Variants in GLRX3 observed in about 807,000 individuals in gnomAD.
GLRX3 encodes the protein glutaredoxin-3.
A neutral mutation model predicts 49.5 loss-of-function variants in GLRX3; 22 were observed. That is an observed-to-expected ratio of 0.44 (90% CI 0.32 to 0.63). The LOEUF (loss-of-function observed/expected upper bound fraction) is 0.63. Ranked by LOEUF, GLRX3 falls within the 30% of genes least tolerant of loss-of-function variation. The pLI is 0.05. For synonymous variants in GLRX3, 133 were observed against 140.0 expected, an observed-to-expected ratio of 0.95 and a Z score of 0.35; for missense variants, 385 against 396.3, an observed-to-expected ratio of 0.97 and a Z score of 0.24.
At chr10:130,165,814 A>G (rs1355747086) in intron 4 of GLRX3, among the ~76,000 whole-genome samples, 1 of 152,230 alleles carries the variant, frequency 6.6e-6, no homozygotes, top group African/African-American at 2.4e-5. Flanking sequence ...TAACAATTGT[A>G]GAATTTTTTC....
At chr10:130,147,483 C>G (rs1449196817) in intron 2 of GLRX3, among the ~76,000 whole-genome samples, 1 of 152,110 alleles carries the variant, frequency 6.6e-6, no homozygotes, top group African/African-American at 2.4e-5. Flanking sequence ...TGGAGGAGCC[C>G]TCAGCGATTT....
intron 1 of GLRX3, among the ~76,000 whole-genome samples, chr10:130,142,266 T>G (rs1215384208): frequency 6.6e-6 from 1 of 152,166 alleles, no homozygotes; most frequent in African/African-American, 2.4e-5. Flanking sequence ...ATGACCTTGC[T>G]TCCCACCTGA....
intron 3 of GLRX3, among the ~76,000 whole-genome samples, chr10:130,160,484 C>T (rs114975445): frequency 6.6e-6 from 1 of 152,322 alleles, no homozygotes; most frequent in Non-Finnish European, 1.5e-5. Context: ...CCATGGGTGT[C>T]ATCGTAGTTC....
chr10:130,175,527 T>C (rs1862900126), intron 10 of GLRX3, among the ~76,000 whole-genome samples: 1 of 152,126 alleles, frequency 6.6e-6, no homozygotes, highest in African/African-American at 2.4e-5. Context: ...AAAGAAAAAA[T>C]GTAGGTCCTT....
intron 2 of GLRX3, among the ~76,000 whole-genome samples, chr10:130,152,659 C>T (rs1281715243): frequency 6.6e-6 from 1 of 152,190 alleles, no homozygotes; most frequent in Non-Finnish European, 1.5e-5. Flanking sequence ...AGGGTTTCTG[C>T]CGAGAGATCT....
intron 10 of GLRX3, among the ~76,000 whole-genome samples, chr10:130,176,786 C>G (rs1862931433): frequency 7.4e-6 from 1 of 135,450 alleles, no homozygotes; most frequent in Non-Finnish European, 1.6e-5. Context: ...CTCTCTCTCT[C>G]TCTCTCTATA....
At chr10:130,179,234 A>G (rs1862980033) in intron 10 of GLRX3, 108 bp from the exon 11 acceptor site, 1 of 616,198 alleles carries the variant, frequency 1.6e-6, no homozygotes, top group South Asian at 2.1e-5. Flanking sequence ...TTAATCCAAT[A>G]GGTGTTTCTT....
At chr10:130,174,655 C>T (rs986399048) in intron 8 of GLRX3, among the ~76,000 whole-genome samples, 8 of 152,108 alleles carry the variant, frequency 5.3e-5, no homozygotes, top group African/African-American at 1.4e-4. Context: ...CAATATTGTC[C>T]GGAGAAAAAT....
chr10:130,136,426 G>T lies in GLRX3; in HGVS notation c.6G>T (p.Ala2=). 1 of 1,254,578 alleles carries T rather than the reference G, an allele frequency of 8.0e-7. No individual in the cohort carries two copies. The highest frequency in any genetic ancestry group is 4.1e-5 in the Admixed American group (1 of 24,250). The allele number at this position is 1,254,578 out of a possible 1,614,324, so 77.7% of individuals were successfully genotyped here. Residue 2 remains alanine (A), a synonymous_variant, in exon 1 of 11, where the codon GCG becomes GCT. Transcript: ENST00000331244. ...TTCTGTCTGGCGGCGGCAGCATGGC[G>T]GCGGGGGCGGCTGAGGCAGCTGTAG... M[A]AGAAEAAVAA...
At chr10:130,172,478 G>A (rs911411249) in intron 8 of GLRX3, among the ~76,000 whole-genome samples, 1 of 152,110 alleles carries the variant, frequency 6.6e-6, no homozygotes, top group African/African-American at 2.4e-5. Context: ...ATGTTCTATA[G>A]GGTTTGTCAG....
chr10:130,146,133 A>G (rs1862266608), intron 2 of GLRX3, among the ~76,000 whole-genome samples: 1 of 152,212 alleles, frequency 6.6e-6, no homozygotes, highest in South Asian at 2.1e-4. Flanking sequence ...GTGAGGCATG[A>G]CTACCAAATG....
chr10:130,143,701 C>CT (rs59065659), intron 1 of GLRX3, among the ~76,000 whole-genome samples: 5,441 of 142,916 alleles, frequency 0.038, 179 homozygotes, highest in East Asian at 0.1. Flanking sequence ...CTAGAAAAAT[C>CT]TTTTTTTTTT....
rs758875016 is a variant in GLRX3, at chr10:130,160,016, G to A, written c.223G>A (p.Glu75Lys). 6.3e-7 allele frequency: 1 copy of A among 1,597,296 alleles called. No homozygotes were observed. The highest frequency in any genetic ancestry group is 1.3e-5 in the African/African-American group (1 of 74,694). ...AAAGTTGGAAGCTGAAGGTGTTCCTGAAGTATCTGAAAAATATGAAATTAG... is the reference window on the plus strand; with the variant it reads ...AAAGTTGGAAGCTGAAGGTGTTCCTAAAGTATCTGAAAAATATGAAATTAG... Reference protein sequence around the residue: ...FVKLEAEGVPEVSEKYEISSV... With the variant: ...FVKLEAEGVPKVSEKYEISSV... Residue 75 changes from glutamate (E) to lysine (K), a missense_variant, in exon 3 of 11, where the codon GAA (glutamate) becomes AAA (lysine). Transcript: ENST00000331244.
intron 1 of GLRX3, among the ~76,000 whole-genome samples, chr10:130,139,756 C>A (rs1862139296): frequency 6.6e-6 from 1 of 151,590 alleles, no homozygotes; most frequent in Non-Finnish European, 1.5e-5. Context: ...ACATAGAACC[C>A]ATCTCTACAA....
intron 10 of GLRX3, among the ~76,000 whole-genome samples, chr10:130,176,473 T>C (rs1359927424): frequency 6.6e-6 from 1 of 152,186 alleles, no homozygotes; most frequent in South Asian, 2.1e-4. Context: ...AGCCTACCAC[T>C]GAAATGACAT....
At chr10:130,143,602 C>T (rs755492858) in intron 1 of GLRX3, among the ~76,000 whole-genome samples, 8 of 151,864 alleles carry the variant, frequency 5.3e-5, no homozygotes, top group African/African-American at 1.9e-4. Context: ...GATCATGGCT[C>T]ACTACAGCCT....
chr10:130,164,312 T>G (rs1862639827), intron 4 of GLRX3, among the ~76,000 whole-genome samples: 3 of 152,252 alleles, frequency 2.0e-5, no homozygotes. Context: ...AAACAGAATC[T>G]TAAATCCTTG....
At chr10:130,167,591 T>C (rs1346919043) in intron 6 of GLRX3, among the ~76,000 whole-genome samples, 1 of 152,226 alleles carries the variant, frequency 6.6e-6, no homozygotes, top group Non-Finnish European at 1.5e-5. Context: ...GGGATTTTTA[T>C]TGCAGTAAAA....
At chr10:130,171,153 A>AAAC (rs1435417355) in intron 7 of GLRX3, among the ~76,000 whole-genome samples, 6 of 151,122 alleles carry the variant, frequency 4.0e-5, no homozygotes, top group African/African-American at 1.5e-4. Context: ...AATAAATAAA[A>AAAC]TAAAAAGAAA....
Sources: gnomAD v4.1 joint callset for allele counts (sites outside exome capture counted in the v4.1 genomes callset) on GRCh38, gnomAD v4.1.1 for gene constraint, MANE v1.5 for transcripts, NCBI Gene and HGNC (gene_info 2026-07-23, HGNC 2026-07-21) for gene names.